The following PDE10A variants were observed in gnomAD, a reference collection of about 807,000 sequenced individuals.
PDE10A encodes phosphodiesterase 10A.
In PDE10A, 39 loss-of-function variants were observed where a neutral mutation model predicts 97.7. That is an observed-to-expected ratio of 0.40 (90% confidence interval 0.31 to 0.52). The LOEUF is 0.52. PDE10A is among the 20% of genes least tolerant of loss of function. The probability of loss-of-function intolerance (pLI) is 0.56; values close to 1 mark genes in which losing one functional copy is unlikely to be tolerated. For synonymous variants in PDE10A, 371 were observed against 376.8 expected (o/e 0.98, Z 0.18); for missense variants, 731 against 1,047.8 (o/e 0.70, Z 4.17).
At chr6:165,866,348 C>T (rs768573342) in intron 1 of PDE10A, among the ~76,000 whole-genome samples, 2 of 151,576 alleles carry the variant, frequency 1.3e-5, no homozygotes, top group Non-Finnish European at 2.9e-5. Flanking sequence ...GCCCTTAGTG[C>T]ACGTGTTGGT....
At chr6:165,803,567 C>T (rs1779038953) in intron 1 of PDE10A, among the ~76,000 whole-genome samples, 1 of 152,188 alleles carries the variant, frequency 6.6e-6, no homozygotes, top group Non-Finnish European at 1.5e-5. Context: ...GAGTCCTGTT[C>T]ATCTTTCTGT....
chr6:165,482,290 T>A (rs772364193), intron 3 of PDE10A, 25 bp downstream of exon 3: 1 of 1,469,626 alleles, frequency 6.8e-7, no homozygotes, highest in Non-Finnish European at 9.5e-7. Flanking sequence ...ACTGCAGTAG[T>A]AGAAATAATA....
chr6:165,424,271 T>C (rs1380520977), intron 10 of PDE10A, among the ~76,000 whole-genome samples: 1 of 152,206 alleles, frequency 6.6e-6, no homozygotes, highest in African/African-American at 2.4e-5. Context: ...ACTAGTTTCA[T>C]AGTTATGTTG....
At chr6:165,960,735 G>T (rs533953254) in intron 1 of PDE10A, among the ~76,000 whole-genome samples, 1 of 152,266 alleles carries the variant, frequency 6.6e-6, no homozygotes, top group East Asian at 1.9e-4. Flanking sequence ...AGTGACCCAG[G>T]GGCATTGAGG....
At chr6:165,582,475 A>G (rs1785669475) in intron 1 of PDE10A, among the ~76,000 whole-genome samples, 1 of 152,188 alleles carries the variant, frequency 6.6e-6, no homozygotes, top group African/African-American at 2.4e-5. Context: ...GTTCACATCA[A>G]ATGATCTAAT....
chr6:165,578,367 G>A (rs988755329), intron 1 of PDE10A, among the ~76,000 whole-genome samples: 2 of 152,010 alleles, frequency 1.3e-5, no homozygotes, highest in African/African-American at 4.8e-5. Flanking sequence ...AAGCACTGTT[G>A]ACTGTTACAG....
At chr6:165,391,032 T>G (rs1317092747) in intron 16 of PDE10A, among the ~76,000 whole-genome samples, 1 of 152,198 alleles carries the variant, frequency 6.6e-6, no homozygotes, top group Non-Finnish European at 1.5e-5. Flanking sequence ...ACGTAAAAGT[T>G]ATCATCTTTC....
chr6:165,328,267 C>T lies in PDE10A; in HGVS notation c.*4758G>A, dbSNP rs1206221410. ...AGCATAGGACTGGGTATTAAGGTGA[C>T]TAAAGAAAAAGACAAAGGCTGTAAC... On this transcript the variant is annotated 3_prime_UTR_variant, in exon 22 of 22. Transcript: ENST00000539869. 1 of 152,078 alleles carries T rather than the reference C, an allele frequency of 6.6e-6. No homozygotes were observed. The highest frequency in any genetic ancestry group is 1.5e-5 in the Non-Finnish European group (1 of 68,006). The allele number at this position is 152,078 out of a possible 1,614,324, so 9.4% of individuals were successfully genotyped here.
In PDE10A at chr6:165,662,177, C is replaced by T; in HGVS notation, c.635G>A (p.Arg212Gln). Residue 212 changes from arginine (R) to glutamine (Q), a missense_variant, in exon 1 of 22, where the codon CGG becomes CAG. Physicochemically the swap from Arg to Gln is conservative, Grantham distance 43. Coordinates refer to ENST00000539869, the MANE Select transcript of PDE10A (RefSeq NM_001385079.1). ...GLLLPARAGP[R>Q]PPPPPRLPLG... ...GGGGAGCCGGGGCGGCGGCGGCGGC[C>T]GGGGACCGGCACGGGCTGGAAGCAG... is the stretch of plus-strand genomic sequence containing the variant. 3.7e-6 allele frequency: 1 copy of T among 267,178 alleles called. No individual in the cohort carries two copies. The highest frequency in any genetic ancestry group is 5.7e-6 in the Non-Finnish European group (1 of 175,194). The allele number at this position is 267,178 out of a possible 1,614,324, so 16.6% of individuals were successfully genotyped here. A position where few individuals can be genotyped will look rare whatever the true frequency, so the allele number is the denominator to read the frequency against.
chr6:165,598,876 G>A (rs547289666), intron 1 of PDE10A, among the ~76,000 whole-genome samples: 1 of 152,272 alleles, frequency 6.6e-6, no homozygotes, highest in African/African-American at 2.4e-5. Flanking sequence ...CCTGCCTTCT[G>A]CAAGATGAGG....
intron 3 of PDE10A, among the ~76,000 whole-genome samples, chr6:165,478,332 C>T (rs1484234929): frequency 6.6e-6 from 1 of 152,164 alleles, no homozygotes; most frequent in African/African-American, 2.4e-5. Context: ...CATTCCCCAA[C>T]TGACTGAAAG....
intron 1 of PDE10A, among the ~76,000 whole-genome samples, chr6:165,650,953 G>A (rs1476944472): frequency 6.6e-6 from 1 of 152,178 alleles, no homozygotes; most frequent in East Asian, 1.9e-4. Context: ...GGCCAGGATG[G>A]TCTTGAGCTC....
At chr6:165,715,388 C>A (rs1024298275) in intron 1 of PDE10A, among the ~76,000 whole-genome samples, 3 of 152,186 alleles carry the variant, frequency 2.0e-5, no homozygotes, top group Non-Finnish European at 4.4e-5. Flanking sequence ...GTGGTGTGTG[C>A]GTCAGCTGAG....
chr6:165,558,651 C>T (rs6914479), intron 1 of PDE10A, among the ~76,000 whole-genome samples: 48,176 of 151,954 alleles, frequency 0.32, 8,554 homozygotes, highest in African/African-American at 0.48. Flanking sequence ...TATAAAAGGA[C>T]ATTACTATTT....
intron 1 of PDE10A, among the ~76,000 whole-genome samples, chr6:165,686,130 G>GACACACAC (rs57547290): frequency 0.016 from 2,287 of 145,372 alleles, 45 homozygotes; most frequent in African/African-American, 0.053. Flanking sequence ...AATGTGCATG[G>GACACACAC]ACACACACAC....
At chr6:165,725,755 T>C (rs1444735954) in intron 1 of PDE10A, among the ~76,000 whole-genome samples, 1 of 152,198 alleles carries the variant, frequency 6.6e-6, no homozygotes, top group Non-Finnish European at 1.5e-5. Context: ...TGCCTCCCTT[T>C]CCATTATCCC....
At chr6:165,564,381 T>C (rs1475629414) in intron 1 of PDE10A, among the ~76,000 whole-genome samples, 1 of 152,230 alleles carries the variant, frequency 6.6e-6, no homozygotes, top group African/African-American at 2.4e-5. Flanking sequence ...CAAGGACTGA[T>C]AAGACCCGTT....
chr6:165,868,877 A>G (rs557534964), intron 1 of PDE10A, among the ~76,000 whole-genome samples: 1 of 70,130 alleles, frequency 1.4e-5, no homozygotes, highest in Admixed American at 1.5e-4. Context: ...AAACAAATCA[A>G]TAAATGAGAG....
chr6:165,715,495 G>A (rs73028197), intron 1 of PDE10A, among the ~76,000 whole-genome samples: 7,568 of 152,124 alleles, frequency 0.05, 311 homozygotes, highest in African/African-American at 0.11. Context: ...TTGGGTCGGC[G>A]AAAAGACCAC....
Sources: allele counts gnomAD v4.1 joint callset (sites outside exome capture counted in the v4.1 genomes callset), GRCh38; gene constraint gnomAD v4.1.1; transcripts MANE v1.5; gene names NCBI Gene and HGNC (gene_info 2026-07-23, HGNC 2026-07-21).